PGGT1B: variants seen among roughly 807,000 people sequenced by gnomAD.
PGGT1B encodes the protein protein geranylgeranyltransferase type I subunit beta.
A neutral mutation model predicts 46.1 loss-of-function variants in PGGT1B; 30 were observed. That is an observed-to-expected ratio of 0.65 (90% confidence interval 0.49 to 0.88). The LOEUF is 0.88. Ranked by LOEUF, PGGT1B falls within the 40% of genes least tolerant of loss-of-function variation. The pLI is 0.00. For missense variants in PGGT1B, 376 were observed against 455.9 expected, an observed-to-expected ratio of 0.82 and a Z score of 1.60; for synonymous variants, 170 against 160.0, an observed-to-expected ratio of 1.06 and a Z score of -0.47.
chr5:115,240,387 T>G (rs1035834381), intron 3 of PGGT1B, among the ~76,000 whole-genome samples: 1 of 152,212 alleles, frequency 6.6e-6, no homozygotes, highest in African/African-American at 2.4e-5. Flanking sequence ...TAGTACTATA[T>G]AACGGTCATC....
chr5:115,241,451 G>GT (rs1422443687), intron 3 of PGGT1B, 88 bp downstream of exon 3: 3 of 704,876 alleles, frequency 4.3e-6, no homozygotes, highest in East Asian at 6.0e-5. Flanking sequence ...CTGGAAGCCT[G>GT]TTTTTTTCTG....
intron 1 of PGGT1B, among the ~76,000 whole-genome samples, chr5:115,254,168 T>G (rs939791580): frequency 6.6e-6 from 1 of 152,106 alleles, no homozygotes; most frequent in African/African-American, 2.4e-5. Context: ...TCCTGAGGTA[T>G]CCACTGTATG....
chr5:115,206,949 T>C lies in PGGT1B; in HGVS notation c.*5453A>G, dbSNP rs1756082850. On this transcript the variant is annotated 3_prime_UTR_variant, in exon 9 of 9. Coordinates refer to ENST00000419445, the MANE Select transcript of PGGT1B (RefSeq NM_005023.4). Reference sequence around the variant, plus strand: ...ATTGGAATGGCACTGAATTTATAAATGAACCTAAGTGGGGAAAGACATGTT... The same window carrying C: ...ATTGGAATGGCACTGAATTTATAAACGAACCTAAGTGGGGAAAGACATGTT... The C allele has an allele frequency of 6.6e-6, 1 of 151,830 alleles. No homozygotes were observed. The highest frequency in any genetic ancestry group is 1.5e-5 in the Non-Finnish European group (1 of 67,844). 9.4% of individuals were successfully genotyped at this position (151,830 alleles called of 1,614,324 possible).
chr5:115,253,658 T>G (rs954741306), intron 1 of PGGT1B, among the ~76,000 whole-genome samples: 2 of 152,052 alleles, frequency 1.3e-5, no homozygotes, highest in Non-Finnish European at 2.9e-5. Flanking sequence ...TTATAGCTTG[T>G]ATTTAATTCT....
intron 8 of PGGT1B, among the ~76,000 whole-genome samples, chr5:115,213,885 C>CTTATTTTTCA (rs1756324716): frequency 6.6e-6 from 1 of 152,162 alleles, no homozygotes; most frequent in Admixed American, 6.5e-5. Context: ...ACAGAAATGA[C>CTTATTTTTCA]AAATAGCTGT....
At chr5:115,262,511 G>A in intron 1 of PGGT1B, 1 of 596,082 alleles carries the variant, frequency 1.7e-6, no homozygotes, top group Non-Finnish European at 2.9e-6. Context: ...AGATGCCACA[G>A]CCCTCGACCT....
chr5:115,246,532 A>G (rs536973412), intron 2 of PGGT1B, among the ~76,000 whole-genome samples: 1 of 152,250 alleles, frequency 6.6e-6, no homozygotes, highest in African/African-American at 2.4e-5. Flanking sequence ...CTGAATGCAT[A>G]CTCTGGGTAC....
intron 4 of PGGT1B, 102 bp from the exon 5 acceptor site, chr5:115,236,624 A>ATCAACAGATTTT: frequency 1.6e-6 from 1 of 613,032 alleles, no homozygotes; most frequent in Non-Finnish European, 2.7e-6. Flanking sequence ...TAACAGAAAA[A>ATCAACAGATTTT]TCTGTTGATT....
At chr5:115,251,629 G>A (rs1333454793) in intron 2 of PGGT1B, among the ~76,000 whole-genome samples, 3 of 151,830 alleles carry the variant, frequency 2.0e-5, no homozygotes, top group African/African-American at 4.8e-5. Context: ...TAAATGTTAT[G>A]GTCCATCCTT....
intron 1 of PGGT1B, among the ~76,000 whole-genome samples, chr5:115,260,979 C>G (rs1748532704): frequency 6.6e-6 from 1 of 152,148 alleles, no homozygotes; most frequent in Non-Finnish European, 1.5e-5. Context: ...TAGCTGCAAG[C>G]AAAGTTCAAC....
At chr5:115,255,813 C>G (rs1315375262) in intron 1 of PGGT1B, among the ~76,000 whole-genome samples, 2 of 152,128 alleles carry the variant, frequency 1.3e-5, no homozygotes, top group African/African-American at 4.8e-5. Flanking sequence ...AAGTAATTTA[C>G]TTGAAATTTC....
rs1756072352 is a variant in PGGT1B, at chr5:115,206,637, T to C, written c.*5765A>G. On this transcript the variant is annotated 3_prime_UTR_variant, in exon 9 of 9. Transcript: ENST00000419445. ...TCCATACTTTAACAGTTGCATAGTA[T>C]TGAGTTACATAAATGTATCATAATG... 6.6e-6 allele frequency: 1 copy of C among 152,016 alleles called. No individual in the cohort carries two copies. Among genetic ancestry groups the C allele is most frequent in the African/African-American group, 2.4e-5 (1 of 41,446 alleles). The allele number at this position is 152,016 out of a possible 1,614,324, so 9.4% of individuals were successfully genotyped here. A position where few individuals can be genotyped will look rare whatever the true frequency, so the allele number is the denominator to read the frequency against.
At chr5:115,235,692 T>A (rs1472962157) in intron 5 of PGGT1B, among the ~76,000 whole-genome samples, 1 of 152,116 alleles carries the variant, frequency 6.6e-6, no homozygotes, top group African/African-American at 2.4e-5. Context: ...TCTTTCTGTA[T>A]CCAGAGGCTT....
chr5:115,219,485 C>T (rs1756522626), intron 7 of PGGT1B, among the ~76,000 whole-genome samples: 1 of 151,680 alleles, frequency 6.6e-6, no homozygotes, highest in Non-Finnish European at 1.5e-5. Context: ...GGCCTGAAAC[C>T]ATAAAATTAT....
intron 1 of PGGT1B, among the ~76,000 whole-genome samples, chr5:115,259,920 T>C (rs1748483690): frequency 6.6e-6 from 1 of 152,094 alleles, no homozygotes; most frequent in Non-Finnish European, 1.5e-5. Context: ...ACTACTTTGT[T>C]CCTTAATAAA....
chr5:115,219,595 A>G (rs1219491163), intron 7 of PGGT1B, among the ~76,000 whole-genome samples: 1 of 151,884 alleles, frequency 6.6e-6, no homozygotes, highest in African/African-American at 2.4e-5. Flanking sequence ...AAATTTTGAT[A>G]AAATTGTACT....
rs767387527 is a variant in PGGT1B at position 115,212,491 on chromosome 5, G to T, written c.1045C>A (p.Arg349=). Residue 349 remains arginine, a synonymous_variant, in exon 9 of 9, where the codon CGG becomes AGG. Coordinates refer to ENST00000419445, the MANE Select transcript of PGGT1B (RefSeq NM_005023.4). ...KVHPALNVST[R]TSERLLDLHQ... Reference sequence around the variant, plus strand: ...AGATCTAGAAGGCGTTCAGAAGTCCGTGTGCTTACATTCAGAGCAGGATGA... The same window carrying T: ...AGATCTAGAAGGCGTTCAGAAGTCCTTGTGCTTACATTCAGAGCAGGATGA... 2.5e-6 allele frequency: 4 copies of T among 1,612,726 alleles called. No individual in the cohort carries two copies. Among genetic ancestry groups the T allele is most frequent in the South Asian group, 1.1e-5 (1 of 91,038 alleles).
intron 1 of PGGT1B, among the ~76,000 whole-genome samples, chr5:115,255,375 A>G (rs1748268644): frequency 6.6e-6 from 1 of 152,202 alleles, no homozygotes; most frequent in African/African-American, 2.4e-5. Flanking sequence ...ATTATGTCTC[A>G]TGAGAGAAGG....
chr5:115,249,685 G>A (rs1290876240), intron 2 of PGGT1B, among the ~76,000 whole-genome samples: 1 of 152,118 alleles, frequency 6.6e-6, no homozygotes, highest in South Asian at 2.1e-4. Flanking sequence ...GTTGCTTTAC[G>A]AGGAAGTTAA....
Sources: allele counts gnomAD v4.1 joint callset (sites outside exome capture counted in the v4.1 genomes callset), GRCh38; gene constraint gnomAD v4.1.1; transcripts MANE v1.5; gene names NCBI Gene and HGNC (gene_info 2026-07-23, HGNC 2026-07-21).